Variants in CNTN5 observed in about 807,000 individuals in gnomAD.
The protein encoded by CNTN5 is contactin-5.
In CNTN5, 77 loss-of-function variants were observed where a neutral mutation model predicts 129.1. The observed-to-expected ratio is 0.60, with a 90% CI of 0.50 to 0.72. CNTN5 has a LOEUF of 0.72. Ranked by LOEUF, CNTN5 falls within the 30% of genes least tolerant of loss-of-function variation. The pLI, the probability that CNTN5 is intolerant of heterozygous loss-of-function variation, is 0.00. For synonymous variants in CNTN5, 509 were observed against 465.6 expected (o/e 1.09, Z -1.20); for missense variants, 1,478 against 1,328.8 (o/e 1.11, Z -1.75).
intron 9 of CNTN5, among the ~76,000 whole-genome samples, chr11:100,049,502 C>T (rs1942849956): frequency 6.6e-6 from 1 of 152,046 alleles, no homozygotes; most frequent in African/African-American, 2.4e-5. Context: ...TAATGCTAGA[C>T]TTAAACCCAA....
intron 1 of CNTN5, among the ~76,000 whole-genome samples, chr11:99,267,142 G>C (rs959736703): frequency 6.6e-6 from 1 of 151,998 alleles, no homozygotes; most frequent in African/African-American, 2.4e-5. Flanking sequence ...CACGAAGCCA[G>C]CTAGACAAGG....
At chr11:99,246,785 T>A (rs1029310205) in intron 1 of CNTN5, among the ~76,000 whole-genome samples, 2 of 152,108 alleles carry the variant, frequency 1.3e-5, no homozygotes, top group African/African-American at 4.8e-5. Context: ...AAATTAAGTA[T>A]CACAGGAACA....
intron 2 of CNTN5, among the ~76,000 whole-genome samples, chr11:99,507,553 G>C (rs1416882311): frequency 6.6e-6 from 1 of 152,016 alleles, no homozygotes; most frequent in Non-Finnish European, 1.5e-5. Context: ...TAGCTAACAA[G>C]ACATTGACCT....
At chr11:99,022,633 A>G (rs1862925559) in intron 1 of CNTN5, among the ~76,000 whole-genome samples, 2 of 152,166 alleles carry the variant, frequency 1.3e-5, no homozygotes, top group South Asian at 2.1e-4. Flanking sequence ...ACTAATGATA[A>G]CAAATTAAAG....
chr11:100,148,660 G>A (rs569680684), intron 13 of CNTN5, among the ~76,000 whole-genome samples: 13 of 151,910 alleles, frequency 8.6e-5, no homozygotes, highest in Admixed American at 2.6e-4. Context: ...TGAAGCCCCC[G>A]GGCCAACAAA....
intron 1 of CNTN5, among the ~76,000 whole-genome samples, chr11:99,086,467 G>T (rs536783514): frequency 1.3e-5 from 2 of 152,162 alleles, no homozygotes; most frequent in Non-Finnish European, 2.9e-5. Context: ...AAGGTGAAGT[G>T]GGGGGCCAGT....
intron 7 of CNTN5, among the ~76,000 whole-genome samples, chr11:99,927,270 A>G (rs188564337): frequency 6.6e-6 from 1 of 152,322 alleles, no homozygotes; most frequent in East Asian, 1.9e-4. Context: ...AAATGGTAAT[A>G]TTGAAGCTCA....
rs557372018 is a variant in CNTN5, at chr11:99,804,182, A to G, written c.56-15362A>G. On this transcript the variant is annotated intron_variant, in intron 3 of 24. Transcript: ENST00000524871. ...ATAAAAATAATTTATAAAATTAAAT[A>G]TGAATAATAATGTGTTTTACAATAT... is the stretch of plus-strand genomic sequence containing the variant. Among the ~76,000 whole-genome samples, 37 of 152,224 alleles carry G rather than the reference A, an allele frequency of 2.4e-4. 1 individual carries two copies. Among genetic ancestry groups the G allele is most frequent in the Middle Eastern group, 3.4e-3 (1 of 294 alleles).
At chr11:99,637,802 A>G (rs1027430489) in intron 3 of CNTN5, among the ~76,000 whole-genome samples, 23 of 151,526 alleles carry the variant, frequency 1.5e-4, no homozygotes, top group African/African-American at 5.3e-4. Context: ...TTATCTACAT[A>G]TTATTTTATA....
intron 1 of CNTN5, among the ~76,000 whole-genome samples, chr11:99,175,430 TG>T (rs1156879002): frequency 6.6e-6 from 1 of 152,004 alleles, no homozygotes; most frequent in Non-Finnish European, 1.5e-5. Flanking sequence ...AAATCCAGAC[TG>T]TTCTAGCAAC....
At chr11:99,971,467 C>T (rs1019658964) in intron 8 of CNTN5, among the ~76,000 whole-genome samples, 6 of 151,718 alleles carry the variant, frequency 4.0e-5, no homozygotes, top group African/African-American at 2.4e-5. Context: ...CGCTTGAACC[C>T]GAGAGGCGGA....
intron 6 of CNTN5, among the ~76,000 whole-genome samples, chr11:99,904,067 T>G (rs1320014040): frequency 6.6e-6 from 1 of 152,182 alleles, no homozygotes; most frequent in African/African-American, 2.4e-5. Context: ...ATTTTTGTTT[T>G]CTTTTATTGC....
chr11:99,579,242 A>G (rs1325053999), intron 3 of CNTN5, among the ~76,000 whole-genome samples: 3 of 151,872 alleles, frequency 2.0e-5, no homozygotes, highest in East Asian at 1.9e-4. Flanking sequence ...GCCTTGTAGT[A>G]TAGTTTGAAG....
intron 16 of CNTN5, among the ~76,000 whole-genome samples, chr11:100,225,851 T>C (rs1354232447): frequency 6.6e-6 from 1 of 152,124 alleles, no homozygotes; most frequent in Non-Finnish European, 1.5e-5. Flanking sequence ...AATTTAAATA[T>C]TAAAAATCTT....
intron 1 of CNTN5, among the ~76,000 whole-genome samples, chr11:99,236,856 G>C (rs554051750): frequency 6.6e-6 from 1 of 151,884 alleles, no homozygotes. Flanking sequence ...TCTTCATTCA[G>C]TTTGCTCTCG....
chr11:99,036,540 A>G (rs1293467640), intron 1 of CNTN5, among the ~76,000 whole-genome samples: 2 of 152,194 alleles, frequency 1.3e-5, no homozygotes, highest in African/African-American at 4.8e-5. Context: ...ATGAAAACAA[A>G]TAAATATGAA....
chr11:99,991,889 C>T (rs1290163752), intron 8 of CNTN5, among the ~76,000 whole-genome samples: 1 of 152,102 alleles, frequency 6.6e-6, no homozygotes, highest in African/African-American at 2.4e-5. Context: ...TCAAACTGGC[C>T]AAGGTTGGGT....
At chr11:100,015,315 A>G (rs544768914) in intron 9 of CNTN5, among the ~76,000 whole-genome samples, 11 of 152,126 alleles carry the variant, frequency 7.2e-5, no homozygotes, top group Non-Finnish European at 1.6e-4. Flanking sequence ...GTATGCCCAA[A>G]TTTCAGAAAC....
At chr11:99,618,310 A>C (rs1490697120) in intron 3 of CNTN5, among the ~76,000 whole-genome samples, 2 of 152,190 alleles carry the variant, frequency 1.3e-5, no homozygotes, top group African/African-American at 4.8e-5. Flanking sequence ...AAATTCTTAT[A>C]AACTAACCGA....
Sources: gnomAD v4.1 joint callset for allele counts (sites outside exome capture counted in the v4.1 genomes callset) on GRCh38, gnomAD v4.1.1 for gene constraint, MANE v1.5 for transcripts, NCBI Gene and HGNC (gene_info 2026-07-23, HGNC 2026-07-21) for gene names.